Variants in WASHC2C observed in about 807,000 individuals in gnomAD.
WASHC2C encodes the protein Vaccinia Penetration Factor.
In WASHC2C, 73 loss-of-function variants were observed where a neutral mutation model predicts 142.2. The ratio of observed to expected loss-of-function variants is 0.51; its 90% confidence interval spans 0.43 to 0.62. The LOEUF is 0.62. Ranked by LOEUF, WASHC2C falls within the 20% of genes least tolerant of loss-of-function variation. The probability of loss-of-function intolerance (pLI) is 0.00; values close to 1 mark genes in which losing one functional copy is unlikely to be tolerated. For missense variants in WASHC2C, 969 were observed against 1,531.7 expected (o/e 0.63, Z 6.13); for synonymous variants, 337 against 565.5 (o/e 0.60, Z 5.73).
intron 23 of WASHC2C, among the ~76,000 whole-genome samples, chr10:45,784,269 T>TATATATATATACACACACAC (rs2057788343): frequency 4.4e-4 from 6 of 13,486 alleles, no homozygotes; most frequent in East Asian, 0.011. Context: ...TATATATATA[T>TATATATATATACACACACAC]ATATATATAT....
chr10:45,733,651 G>A (rs1362073615), intron 3 of WASHC2C, among the ~76,000 whole-genome samples: 7 of 152,198 alleles, frequency 4.6e-5, no homozygotes, highest in African/African-American at 1.7e-4. Context: ...AGGTCCCATG[G>A]GTTTAGGTTT....
intron 25 of WASHC2C, 54 bp from the exon 26 acceptor site, chr10:45,785,455 C>T: frequency 6.2e-7 from 1 of 1,604,026 alleles, no homozygotes; most frequent in Non-Finnish European, 8.5e-7. Flanking sequence ...TATGATTTTT[C>T]CTTAAAACTT....
At position 45,744,890 on chromosome 10, in the gene WASHC2C, C is replaced by G. The variant is rs2052616398; in HGVS notation, c.684+8C>G. 1.8e-6 allele frequency: 1 copy of G among 568,432 alleles called. No homozygotes were observed. The highest frequency in any genetic ancestry group is 2.8e-5 in the East Asian group (1 of 35,516). The allele number at this position is 568,432 out of a possible 1,614,324, so 35.2% of individuals were successfully genotyped here. On this transcript the variant is annotated splice_region_variant and intron_variant, in intron 7 of 30. Transcript: ENST00000623400. ...GAAGAGAAAGAAGAGGAGGTAAGGG[C>G]TGTTTGGTATGACCAGGTCACGGTG...
intron 20 of WASHC2C, among the ~76,000 whole-genome samples, chr10:45,772,448 G>A (rs1446201549): frequency 6.6e-6 from 1 of 152,240 alleles, no homozygotes; most frequent in African/African-American, 2.4e-5. Context: ...CAGGTGCAAC[G>A]GCTCATGCCT....
chr10:45,769,308 T>C (rs2596999), intron 19 of WASHC2C, 141 bp from the exon 20 acceptor site: 104,077 of 1,207,018 alleles, frequency 0.086, 5,640 homozygotes, highest in East Asian at 0.25. Context: ...TTAGTAGAGA[T>C]GGGGTTTCAC....
chr10:45,730,369 A>G (rs2050410970), intron 3 of WASHC2C, among the ~76,000 whole-genome samples: 1 of 149,582 alleles, frequency 6.7e-6, no homozygotes, highest in African/African-American at 2.5e-5. Flanking sequence ...AAAGTATTCA[A>G]GTAAAATCAG....
Position 45,790,465 on chromosome 10 carries a change from T to A in WASHC2C, c.3818T>A (p.Leu1273Ter). 1 of 1,611,052 alleles carries A rather than the reference T, an allele frequency of 6.2e-7. No homozygotes were observed. Among genetic ancestry groups the A allele is most frequent in the Non-Finnish European group, 8.5e-7 (1 of 1,179,322 alleles). ...GATAACATTGATATCTTTGCTGACT[T>A]AACTGTAAAACCAAAAGAAAAGTCC... ...FDDNIDIFAD[L>*]TVKPKEKSKK... The change falls in exon 30 of 31, where the codon TTA (leucine) becomes TAA (stop). Residue 1273 changes from leucine to a stop codon, truncating the protein, a stop_gained. Coordinates refer to ENST00000623400, the MANE Select transcript of WASHC2C (RefSeq NM_001330074.2). LOFTEE classifies it high-confidence loss of function.
chr10:45,729,732 A>G (rs1589534752), intron 3 of WASHC2C, among the ~76,000 whole-genome samples: 2 of 149,830 alleles, frequency 1.3e-5, no homozygotes, highest in African/African-American at 4.9e-5. Context: ...GGGTGTCCCA[A>G]CTTTCTGAAT....
At chr10:45,774,120 A>G (rs2135458567) in intron 21 of WASHC2C, among the ~76,000 whole-genome samples, 1 of 103,662 alleles carries the variant, frequency 9.6e-6, no homozygotes, top group East Asian at 2.6e-4. Context: ...GTGGAATTAG[A>G]AATAAACTCC....
chr10:45,747,433 C>T (rs537881658), intron 8 of WASHC2C, among the ~76,000 whole-genome samples: 1 of 152,246 alleles, frequency 6.6e-6, no homozygotes, highest in Admixed American at 6.5e-5. Context: ...CGTGAGCCAC[C>T]ATGCCTGGCC....
intron 28 of WASHC2C, among the ~76,000 whole-genome samples, chr10:45,788,623 G>T (rs2058217652): frequency 1.3e-5 from 2 of 152,144 alleles, no homozygotes; most frequent in African/African-American, 4.8e-5. Flanking sequence ...AACTGAAACT[G>T]CCCTGAAAAG....
chr10:45,760,730 C>G (rs1189942450), intron 17 of WASHC2C, among the ~76,000 whole-genome samples: 2 of 71,672 alleles, frequency 2.8e-5, no homozygotes, highest in African/African-American at 1.1e-4. Flanking sequence ...ATACACACAA[C>G]AGGAAGCCTG....
intron 23 of WASHC2C, among the ~76,000 whole-genome samples, chr10:45,779,462 G>A (rs1177725702): frequency 1.7e-4 from 26 of 152,334 alleles, no homozygotes; most frequent in Non-Finnish European, 3.1e-4. Context: ...GTACAGTTAA[G>A]TATTTCTAAC....
intron 23 of WASHC2C, among the ~76,000 whole-genome samples, chr10:45,780,758 T>C (rs552961528): frequency 6.6e-6 from 1 of 150,548 alleles, no homozygotes; most frequent in African/African-American, 2.4e-5. Flanking sequence ...AACTTTCTTT[T>C]TTTTTTTTTT....
intron 15 of WASHC2C, among the ~76,000 whole-genome samples, chr10:45,755,659 A>G (rs1179502845): frequency 2.0e-5 from 3 of 152,178 alleles, no homozygotes; most frequent in Admixed American, 1.3e-4. Context: ...GTGCAGATGA[A>G]TCTTCCAGGG....
intron 6 of WASHC2C, among the ~76,000 whole-genome samples, chr10:45,744,550 C>G (rs1268262422): frequency 6.6e-6 from 1 of 151,946 alleles, no homozygotes; most frequent in East Asian, 1.9e-4. Flanking sequence ...CATTTCTCAG[C>G]CTTTCTTTGC....
chr10:45,733,600 A>G (rs1208369760), intron 3 of WASHC2C, among the ~76,000 whole-genome samples: 1 of 152,274 alleles, frequency 6.6e-6, no homozygotes, highest in Non-Finnish European at 1.5e-5. Flanking sequence ...GTACTTGAGG[A>G]TGCATAGTCC....
Position 45,754,983 on chromosome 10 carries a change from C to T in WASHC2C, c.1288C>T (p.Pro430Ser). The change falls in exon 15 of 31, where the codon CCA (proline) becomes TCA (serine). Residue 430 changes from proline (P) to serine (S), a missense_variant. Transcript: ENST00000623400. ...GAASVPSLKE[P>S]QKPEQPTPRK... ...TGCCTCCGTTCCATCACTGAAGGAGCCACAGAAGCCTGAGCAGCCCACTCC... is the reference window on the plus strand; with the variant it reads ...TGCCTCCGTTCCATCACTGAAGGAGTCACAGAAGCCTGAGCAGCCCACTCC... The T allele has an allele frequency of 6.2e-7, 1 of 1,611,976 alleles. No individual in the cohort carries two copies. The highest frequency in any genetic ancestry group is 8.5e-7 in the Non-Finnish European group (1 of 1,179,860).
intron 21 of WASHC2C, among the ~76,000 whole-genome samples, chr10:45,774,785 G>A (rs1170689058): frequency 1.7e-5 from 2 of 115,304 alleles, no homozygotes; most frequent in African/African-American, 3.2e-5. Context: ...TGGGCCACAC[G>A]AGACACAGCA....
Sources: allele counts gnomAD v4.1 joint callset (sites outside exome capture counted in the v4.1 genomes callset), GRCh38; gene constraint gnomAD v4.1.1; transcripts MANE v1.5; gene names NCBI Gene and HGNC (gene_info 2026-07-23, HGNC 2026-07-21).